Variants in NRG1 observed in about 807,000 individuals in gnomAD.
The protein encoded by NRG1 is neuregulin 1, also known as pro-neuregulin-1, membrane-bound isoform.
Under a neutral mutation model 63.8 loss-of-function variants are expected in NRG1, and 18 were observed. The observed-to-expected ratio is 0.28, with a 90% confidence interval of 0.19 to 0.42. The LOEUF is 0.42. NRG1 is among the 10% of genes least tolerant of loss of function. The pLI is 1.00. For missense variants in NRG1, 762 were observed against 814.7 expected, an observed-to-expected ratio of 0.94 and a Z score of 0.79; for synonymous variants, 302 against 301.3, an observed-to-expected ratio of 1.00 and a Z score of -0.02.
At chr8:31,681,120 G>GA (rs149725487) in intron 1 of NRG1, among the ~76,000 whole-genome samples, 10 of 151,476 alleles carry the variant, frequency 6.6e-5, no homozygotes, top group Non-Finnish European at 1.5e-4. Context: ...ACTAAGTGGA[G>GA]AAAAAAAATG....
chr8:31,640,365 G>C lies in NRG1; in HGVS notation c.37+934G>C, dbSNP rs748863065. The C allele has an allele frequency of 9.6e-6, 12 of 1,251,504 alleles. No homozygotes were observed. The East Asian group carries it at 2.3e-4, about 24-fold the overall frequency. The allele number at this position is 1,251,504 out of a possible 1,614,324, so 77.5% of individuals were successfully genotyped here. ...CCGCGGGCCCACGGGCGCTGGGGCC[G>C]CCCGCCGAGGAGCCGCTGCTCGCCG... On this transcript the variant is annotated intron_variant, in intron 1 of 10. Coordinates refer to the NRG1 transcript ENST00000519301. This position sits in a 1 kb window ranked among gnomAD's most constrained non-coding sequence, Gnocchi z 6.3.
intron 1 of NRG1, among the ~76,000 whole-genome samples, chr8:32,241,324 A>T (rs1485954329): frequency 6.6e-6 from 1 of 152,200 alleles, no homozygotes; most frequent in Admixed American, 6.5e-5. Context: ...TAAATTACTT[A>T]AGAATTCTCT....
At chr8:31,980,561 G>A (rs1808904490) in intron 1 of NRG1, among the ~76,000 whole-genome samples, 1 of 152,026 alleles carries the variant, frequency 6.6e-6, no homozygotes, top group African/African-American at 2.4e-5. Flanking sequence ...CCAAAGTAAA[G>A]TGTGGAATTG....
Position 32,448,691 on chromosome 8 carries a change from A to G in NRG1, c.38-147137A>G, listed in dbSNP as rs560775942. ...AGCTATTTTTTTTTCTGTGTAAACA[A>G]TGGGAGGGAGGTGGATTGTAGCTTT... On this transcript the variant is annotated intron_variant, in intron 1 of 10. Coordinates refer to the NRG1 transcript ENST00000519301. 5.3e-5 allele frequency among the ~76,000 whole-genome samples: 8 copies of G among 152,244 alleles called. No homozygotes were observed. In the South Asian group the frequency reaches 1.0e-3, roughly 20 times the overall value.
intron 1 of NRG1, among the ~76,000 whole-genome samples, chr8:32,154,793 A>G (rs921277347): frequency 6.6e-6 from 1 of 152,214 alleles, no homozygotes; most frequent in African/African-American, 2.4e-5. Context: ...TTCATCAGGA[A>G]ACATATTCCA....
intron 1 of NRG1, among the ~76,000 whole-genome samples, chr8:32,047,533 GA>G (rs1481805405): frequency 6.6e-6 from 1 of 151,948 alleles, no homozygotes; most frequent in African/African-American, 2.4e-5. Context: ...GTGCTGTATG[GA>G]AAAATTTCCT....
At chr8:31,897,861 A>T (rs192479863) in intron 1 of NRG1, among the ~76,000 whole-genome samples, 1,407 of 36,406 alleles carry the variant, frequency 0.039, 27 homozygotes, top group African/African-American at 0.18. Context: ...CTAAAAATAC[A>T]AAAAAAAAAT....
chr8:32,204,367 C>A (rs1177810180), intron 1 of NRG1, among the ~76,000 whole-genome samples: 1 of 152,138 alleles, frequency 6.6e-6, no homozygotes, highest in African/African-American at 2.4e-5. Context: ...ATGAACCTAT[C>A]GTTTTGTTTA....
chr8:31,931,769 T>G (rs979523555), intron 1 of NRG1, among the ~76,000 whole-genome samples: 2 of 152,172 alleles, frequency 1.3e-5, no homozygotes, highest in African/African-American at 4.8e-5. Flanking sequence ...TACTGCAGAC[T>G]CGGGCTGTTC....
intron 1 of NRG1, among the ~76,000 whole-genome samples, chr8:31,672,549 A>T (rs1433043801): frequency 4.6e-5 from 7 of 152,282 alleles, no homozygotes; most frequent in Admixed American, 6.5e-5. Flanking sequence ...TGTACAGGAA[A>T]ATTGAGGTTG....
At chr8:32,451,962 A>G (rs1429343669) in intron 1 of NRG1, among the ~76,000 whole-genome samples, 2 of 152,036 alleles carry the variant, frequency 1.3e-5, no homozygotes, top group African/African-American at 4.8e-5. Flanking sequence ...AGTAGCAGGG[A>G]TCACAGGCTC....
intron 1 of NRG1, among the ~76,000 whole-genome samples, chr8:31,989,372 C>T (rs183370485): frequency 6.6e-6 from 1 of 151,142 alleles, no homozygotes; most frequent in Non-Finnish European, 1.5e-5. Flanking sequence ...TGCTTGCTAG[C>T]TATTTTCTGA....
intron 1 of NRG1, among the ~76,000 whole-genome samples, chr8:31,800,409 G>A (rs1432147452): frequency 6.6e-6 from 1 of 152,164 alleles, no homozygotes; most frequent in Non-Finnish European, 1.5e-5. Context: ...TTCAGCCACC[G>A]TAGTAAGTTG....
chr8:31,663,525 A>G (rs1471277630), intron 1 of NRG1, among the ~76,000 whole-genome samples: 1 of 152,132 alleles, frequency 6.6e-6, no homozygotes, highest in African/African-American at 2.4e-5. Flanking sequence ...ATTCCTGCTT[A>G]CATTATGGAT....
chr8:31,818,064 G>A lies in NRG1; in HGVS notation c.37+178633G>A, dbSNP rs781161736. On this transcript the variant is annotated intron_variant, in intron 1 of 10. Transcript: ENST00000519301. ...TTGCTACTTTTGTGCCAGCAAATAC[G>A]TAATCCACAAGAATGTTATAAGAAA... 4.3e-4 allele frequency among the ~76,000 whole-genome samples: 65 copies of A among 152,006 alleles called. 1 individual carries two copies. The highest frequency in any genetic ancestry group is 3.6e-3 in the Admixed American group (55 of 15,266).
intron 1 of NRG1, among the ~76,000 whole-genome samples, chr8:31,884,534 C>G (rs1217855643): frequency 3.3e-5 from 5 of 152,076 alleles, no homozygotes; most frequent in Non-Finnish European, 7.4e-5. Flanking sequence ...CTCCCACCTC[C>G]AAGTCAATGT....
intron 5 of NRG1, among the ~76,000 whole-genome samples, chr8:32,673,682 A>T (rs1175600925): frequency 1.3e-5 from 2 of 152,202 alleles, no homozygotes; most frequent in African/African-American, 4.8e-5. Context: ...CATCTACAGG[A>T]AAAGAATCCA....
chr8:32,077,998 T>C (rs1826859607), intron 1 of NRG1, among the ~76,000 whole-genome samples: 1 of 152,138 alleles, frequency 6.6e-6, no homozygotes, highest in African/African-American at 2.4e-5. Flanking sequence ...ACAAATAAAT[T>C]GTAATTGGCC....
intron 1 of NRG1, among the ~76,000 whole-genome samples, chr8:31,963,943 G>C (rs546244237): frequency 6.6e-6 from 1 of 152,236 alleles, no homozygotes; most frequent in African/African-American, 2.4e-5. Flanking sequence ...GATCCTGTTG[G>C]TAACAGGTAG....
Sources: allele counts gnomAD v4.1 joint callset (sites outside exome capture counted in the v4.1 genomes callset), GRCh38; gene constraint gnomAD v4.1.1; non-coding constraint Gnocchi (gnomAD v3.1); transcripts MANE v1.5; gene names NCBI Gene and HGNC (gene_info 2026-07-23, HGNC 2026-07-21).